RTF2: variants seen among roughly 807,000 people sequenced by gnomAD.
RTF2 encodes the protein UPF0549 protein C20orf43.
In RTF2, 18 loss-of-function variants were observed where a neutral mutation model predicts 38.0. The ratio of observed to expected loss-of-function variants is 0.47; its 90% confidence interval spans 0.33 to 0.70. The LOEUF (loss-of-function observed/expected upper bound fraction) is 0.70. RTF2 is among the 30% of genes least tolerant of loss of function. The pLI, the probability that RTF2 is intolerant of heterozygous loss-of-function variation, is 0.02. For missense variants in RTF2, 311 were observed against 379.6 expected (o/e 0.82, Z 1.50); for synonymous variants, 126 against 137.1 (o/e 0.92, Z 0.57).
At chr20:56,481,123 C>T (rs896009052) in intron 4 of RTF2, among the ~76,000 whole-genome samples, 2 of 152,160 alleles carry the variant, frequency 1.3e-5, no homozygotes, top group Non-Finnish European at 2.9e-5. Context: ...GTCCAGACTG[C>T]CCTCTGGAAT....
At chr20:56,500,771 G>T (rs776011508) in intron 5 of RTF2, among the ~76,000 whole-genome samples, 1 of 152,230 alleles carries the variant, frequency 6.6e-6, no homozygotes, top group Non-Finnish European at 1.5e-5. Flanking sequence ...AGTTTAGTTT[G>T]TCATTGTTTC....
rs146701310 is a variant in RTF2, at chr20:56,518,225, A to C, written c.881A>C (p.Glu294Ala). 1 of 1,613,998 alleles carries C rather than the reference A, an allele frequency of 6.2e-7. No homozygotes were observed. The highest frequency in any genetic ancestry group is 8.5e-7 in the Non-Finnish European group (1 of 1,179,952). Residue 294 changes from glutamate (E) to alanine (A), a missense_variant, in exon 9 of 9, where the codon GAG becomes GCG. Physicochemically the swap from Glu to Ala is moderately radical, Grantham distance 107. Coordinates refer to ENST00000357348, the MANE Select transcript of RTF2 (RefSeq NM_016407.5). The part of the protein sequence containing the change: ...THSSAKRSKE[E>A]SAHWVTHTSY... ...AGCTCCGCCAAGCGCTCCAAGGAGG[A>C]GTCTGCCCACTGGGTCACCCACACG... is the stretch of plus-strand genomic sequence containing the variant.
chr20:56,482,848 G>A (rs6064401), intron 4 of RTF2, among the ~76,000 whole-genome samples: 57,170 of 151,992 alleles, frequency 0.38, 11,423 homozygotes, highest in Non-Finnish European at 0.45. Context: ...GGCATTATTC[G>A]TTGTTTGATG....
chr20:56,478,385 CT>C (rs938174633), intron 4 of RTF2, among the ~76,000 whole-genome samples: 9 of 151,986 alleles, frequency 5.9e-5, no homozygotes, highest in African/African-American at 9.7e-5. Context: ...GACCTCGCTA[CT>C]TGGGAGGCTG....
At chr20:56,507,227 C>T (rs903542503) in intron 5 of RTF2, among the ~76,000 whole-genome samples, 2 of 152,072 alleles carry the variant, frequency 1.3e-5, no homozygotes, top group Non-Finnish European at 2.9e-5. Context: ...TGTGACTTTG[C>T]GGCAGCCCCA....
chr20:56,493,830 G>C (rs1353501756), intron 5 of RTF2, among the ~76,000 whole-genome samples: 1 of 152,136 alleles, frequency 6.6e-6, no homozygotes, highest in African/African-American at 2.4e-5. Context: ...TCAGAGCTGT[G>C]TTAATGATAT....
At chr20:56,489,221 ATTTTTT>A (rs11481363) in intron 5 of RTF2, among the ~76,000 whole-genome samples, 1 of 136,750 alleles carries the variant, frequency 7.3e-6, no homozygotes, top group East Asian at 2.1e-4. Flanking sequence ...ATGCCTGGTT[ATTTTTT>A]TTTTTTTTTT....
intron 5 of RTF2, among the ~76,000 whole-genome samples, chr20:56,494,746 T>C (rs1481325645): frequency 6.6e-6 from 1 of 152,224 alleles, no homozygotes; most frequent in African/African-American, 2.4e-5. Flanking sequence ...TTTTTGTTTG[T>C]CTCCAATCTG....
At chr20:56,484,067 C>A in intron 4 of RTF2, 44 bp from the exon 5 acceptor site, 1 of 1,510,412 alleles carries the variant, frequency 6.6e-7, no homozygotes, top group South Asian at 1.1e-5. Flanking sequence ...GTGAATTGAT[C>A]ATGTGATTAA....
chr20:56,505,849 A>C (rs1269061892), intron 5 of RTF2, among the ~76,000 whole-genome samples: 1 of 152,180 alleles, frequency 6.6e-6, no homozygotes, highest in Non-Finnish European at 1.5e-5. Context: ...AGATTGACTA[A>C]AACATTTAAA....
At position 56,468,634 on chromosome 20, in the gene RTF2, T is replaced by C; in HGVS notation, c.-64T>C. ...GGTGCGCCGGAAGTGGCTGCGGATT[T>C]CGCCGGAAATCCCGGAAGTGACAGC... On this transcript the variant is annotated 5_prime_UTR_variant, in exon 1 of 9. Transcript: ENST00000357348. The C allele has an allele frequency of 1.4e-6, 2 of 1,469,186 alleles. No individual in the cohort carries two copies. Among genetic ancestry groups the C allele is most frequent in the African/African-American group, 1.4e-5 (1 of 71,496 alleles). 91.0% of individuals were successfully genotyped at this position (1,469,186 alleles called of 1,614,324 possible).
intron 5 of RTF2, among the ~76,000 whole-genome samples, chr20:56,492,864 C>G (rs1460003513): frequency 2.2e-5 from 3 of 136,400 alleles, no homozygotes; most frequent in African/African-American, 8.2e-5. Context: ...TCACACCAGC[C>G]CAGTAATCCT....
intron 5 of RTF2, among the ~76,000 whole-genome samples, chr20:56,494,906 C>T (rs978213582): frequency 6.6e-6 from 1 of 152,168 alleles, no homozygotes; most frequent in Non-Finnish European, 1.5e-5. Context: ...GTTCCTGCCA[C>T]TGGGTAGGAA....
intron 5 of RTF2, among the ~76,000 whole-genome samples, chr20:56,493,468 G>T (rs1193419572): frequency 6.6e-6 from 1 of 151,920 alleles, no homozygotes; most frequent in Non-Finnish European, 1.5e-5. Context: ...GGCCAGCCTG[G>T]GCAGCATAGT....
intron 1 of RTF2, chr20:56,472,239 A>G: frequency 1.2e-6 from 1 of 817,370 alleles, no homozygotes; most frequent in Non-Finnish European, 2.0e-6. Flanking sequence ...AATTAATAAA[A>G]TAAATTCAGC....
intron 5 of RTF2, among the ~76,000 whole-genome samples, chr20:56,492,503 T>G (rs1281097323): frequency 6.9e-6 from 1 of 144,740 alleles, no homozygotes; most frequent in Non-Finnish European, 1.5e-5. Flanking sequence ...GAGAATGACT[T>G]GAGCCCAGAA....
At position 56,513,407 on chromosome 20, in the gene RTF2, G is replaced by T; in HGVS notation, c.570G>T (p.Arg190Ser). 6.2e-7 allele frequency: 1 copy of T among 1,603,050 alleles called. No individual in the cohort carries two copies. Among genetic ancestry groups the T allele is most frequent in the African/African-American group, 1.3e-5 (1 of 74,942 alleles). Residue 190 changes from arginine (R) to serine (S), a missense_variant, in exon 6 of 9, where the codon AGG becomes AGT. By Grantham distance (110) the Arg-to-Ser change is moderately radical. Transcript: ENST00000357348. ...DVLKTRMEER[R>S]LRAKLEKKTK... ...TGAAGACAAGGATGGAGGAGAGAAG[G>T]CTGAGAGCGAAGCTGGAAAAGGTAA... is the stretch of plus-strand genomic sequence containing the variant.
chr20:56,490,068 C>T (rs746861184), intron 5 of RTF2, among the ~76,000 whole-genome samples: 7 of 152,194 alleles, frequency 4.6e-5, no homozygotes, highest in Non-Finnish European at 5.9e-5. Context: ...AAAGGTGTTA[C>T]TTTTCTGTGG....
chr20:56,479,248 C>T (rs4811707), intron 4 of RTF2, among the ~76,000 whole-genome samples: 53,536 of 151,858 alleles, frequency 0.35, 9,776 homozygotes, highest in East Asian at 0.64. Context: ...TTTTTTGAGA[C>T]GGAGTCCAGC....
Sources: gnomAD v4.1 joint callset for allele counts (sites outside exome capture counted in the v4.1 genomes callset) on GRCh38, gnomAD v4.1.1 for gene constraint, MANE v1.5 for transcripts, NCBI Gene and HGNC (gene_info 2026-07-23, HGNC 2026-07-21) for gene names.